Variants in ABCA8 observed in about 807,000 individuals in gnomAD.
The protein encoded by ABCA8 is ATP binding cassette subfamily A member 8, also known as ABC-type organic anion transporter ABCA8.
Under a neutral mutation model 192.3 loss-of-function variants are expected in ABCA8, and 177 were observed. The observed-to-expected ratio is 0.92, with a 90% confidence interval of 0.81 to 1.04. The LOEUF (loss-of-function observed/expected upper bound fraction) is 1.04, where lower values mean the gene tolerates loss of function less well. ABCA8 is among the 50% of genes least tolerant of loss of function. ABCA8 has a pLI of 0.00. For missense variants in ABCA8, 1,915 were observed against 1,904.8 expected (o/e 1.01, Z -0.10); for synonymous variants, 642 against 690.2 (o/e 0.93, Z 1.09).
chr17:68,927,803 C>T lies in ABCA8; in HGVS notation c.1273+113G>A. 3.7e-6 allele frequency: 3 copies of T among 814,868 alleles called. 1 individual carries two copies. The South Asian group carries it at 6.8e-5, about 18-fold the overall frequency. 50.5% of individuals were successfully genotyped at this position (814,868 alleles called of 1,614,324 possible). The stretch of plus-strand genomic sequence containing the variant: ...AGCGACGACTTTGTTCCTCTCTTTG[C>T]TGTTGATACACAAAATAGTTCTTAA... On this transcript the variant is annotated intron_variant, in intron 10 of 39. Coordinates refer to ENST00000586539, the MANE Select transcript of ABCA8 (RefSeq NM_001288985.2).
chr17:68,942,633 A>T (rs943887014), intron 2 of ABCA8, among the ~76,000 whole-genome samples: 1 of 152,028 alleles, frequency 6.6e-6, no homozygotes, highest in Non-Finnish European at 1.5e-5. Context: ...CCTGTTGCAA[A>T]AGGAGTGCAC....
Position 68,902,864 on chromosome 17 carries a change from CA to C in ABCA8, c.2612del (p.Met871ArgfsTer14). 2 of 1,611,778 alleles carry C rather than the reference CA, an allele frequency of 1.2e-6. No individual in the cohort carries two copies. The highest frequency in any genetic ancestry group is 8.5e-7 in the Non-Finnish European group (1 of 1,179,088). On this transcript the variant is annotated frameshift_variant, in exon 21 of 40. Transcript: ENST00000586539. LOFTEE classifies it high-confidence loss of function. ...CCACAAGAAGAGGGCAAAATCCAGC[CA>C]TTAGAATTAATAGCCTACACAAAAG... ...KALLALLLILMAGFCPLLVEY... is the reference protein window; with the variant it reads ...KALLALLLILXAGFCPLLVEY...
intron 1 of ABCA8, among the ~76,000 whole-genome samples, chr17:68,955,017 A>G (rs1392481870): frequency 2.0e-5 from 3 of 152,164 alleles, no homozygotes; most frequent in Non-Finnish European, 4.4e-5. Flanking sequence ...GTTTTTATTT[A>G]TCTAATATTA....
intron 23 of ABCA8, among the ~76,000 whole-genome samples, chr17:68,892,368 A>G (rs571740612): frequency 6.6e-6 from 1 of 152,194 alleles, no homozygotes; most frequent in South Asian, 2.1e-4. Context: ...GGTAGGGTCA[A>G]TACTTAGTGG....
rs2066409703 is a variant in ABCA8, at chr17:68,884,416, T to A, written c.3550-20A>T. 6.4e-7 allele frequency: 1 copy of A among 1,565,910 alleles called. No individual in the cohort carries two copies. ...GAGAAGCTGCAAAAGAAAAGACAAT[T>A]GCTAAACAGGGAGTTTTTTGTTTCC... On this transcript the variant is annotated intron_variant, in intron 27 of 39. Coordinates refer to ENST00000586539, the MANE Select transcript of ABCA8 (RefSeq NM_001288985.2).
At chr17:68,916,345 T>C (rs1213632200) in intron 17 of ABCA8, among the ~76,000 whole-genome samples, 1 of 152,116 alleles carries the variant, frequency 6.6e-6, no homozygotes, top group Non-Finnish European at 1.5e-5. Flanking sequence ...TTGTTGACTA[T>C]AGTCAACATA....
intron 21 of ABCA8, among the ~76,000 whole-genome samples, chr17:68,897,176 A>T (rs867164891): frequency 6.6e-6 from 1 of 152,202 alleles, no homozygotes; most frequent in African/African-American, 2.4e-5. Context: ...GGTGGTGCCT[A>T]ACAACTGAAT....
chr17:68,917,065 C>G (rs2067388863), intron 17 of ABCA8, among the ~76,000 whole-genome samples: 1 of 151,978 alleles, frequency 6.6e-6, no homozygotes, highest in African/African-American at 2.4e-5. Flanking sequence ...GTCAGGAGAT[C>G]GAGACCATCC....
chr17:68,872,159 T>C (rs2066074713), intron 37 of ABCA8, among the ~76,000 whole-genome samples: 1 of 151,574 alleles, frequency 6.6e-6, no homozygotes, highest in African/African-American at 2.4e-5. Context: ...TTATTCACAA[T>C]AGCAAAGACT....
intron 21 of ABCA8, among the ~76,000 whole-genome samples, chr17:68,900,399 A>G (rs968608539): frequency 2.0e-5 from 3 of 152,008 alleles, no homozygotes; most frequent in African/African-American, 7.2e-5. Flanking sequence ...AAGAAATATA[A>G]AATGTAAGGA....
chr17:68,934,051 G>A (rs1048341060), intron 5 of ABCA8, among the ~76,000 whole-genome samples: 1 of 151,760 alleles, frequency 6.6e-6, no homozygotes, highest in East Asian at 1.9e-4. Flanking sequence ...TGAACGTTAT[G>A]TATATATATA....
Position 68,924,816 on chromosome 17 carries a change from A to G in ABCA8, c.1327T>C (p.Ser443Pro). ...PLFFLKSSFW[S>P]QTQKTDHVAL... ...ACGTGATCAGTCTTTTGTGTTTGAGACCAAAATGAGGACTTCAGGAAAAAC... is the reference window on the plus strand; with the variant it reads ...ACGTGATCAGTCTTTTGTGTTTGAGGCCAAAATGAGGACTTCAGGAAAAAC... Residue 443 changes from serine to proline, a missense_variant, in exon 11 of 40, where the codon TCT becomes CCT. Ser to Pro is a moderately conservative substitution (Grantham distance 74, BLOSUM62 -1). Coordinates refer to ENST00000586539, the MANE Select transcript of ABCA8 (RefSeq NM_001288985.2). 1.2e-6 allele frequency: 2 copies of G among 1,614,130 alleles called. No individual in the cohort carries two copies. Among genetic ancestry groups the G allele is most frequent in the Non-Finnish European group, 1.7e-6 (2 of 1,179,990 alleles).
intron 19 of ABCA8, 24 bp downstream of exon 19, chr17:68,906,020 A>G: frequency 6.5e-7 from 1 of 1,548,228 alleles, no homozygotes; most frequent in South Asian, 1.2e-5. Flanking sequence ...CTTTTACATA[A>G]TAATTTTCAT....
At chr17:68,941,305 G>GAAATC (rs1272384763) in intron 3 of ABCA8, among the ~76,000 whole-genome samples, 6 of 152,140 alleles carry the variant, frequency 3.9e-5, no homozygotes, top group African/African-American at 1.2e-4. Flanking sequence ...CTCCCAATAA[G>GAAATC]AAATCACTTT....
chr17:68,914,789 A>C (rs962869185), intron 17 of ABCA8, among the ~76,000 whole-genome samples: 28 of 152,226 alleles, frequency 1.8e-4, no homozygotes, highest in Admixed American at 2.6e-4. Flanking sequence ...TAAAAAACAA[A>C]CAAACTAATA....
chr17:68,898,644 G>C (rs540313341), intron 21 of ABCA8, among the ~76,000 whole-genome samples: 3 of 152,176 alleles, frequency 2.0e-5, no homozygotes, highest in African/African-American at 7.2e-5. Context: ...TAATTTTATT[G>C]TTGAGGCGTA....
Position 68,912,230 on chromosome 17 carries a change from A to G in ABCA8, c.2139-4351T>C, listed in dbSNP as rs142826202. Among the ~76,000 whole-genome samples, 563 of 152,244 alleles carry G rather than the reference A, an allele frequency of 3.7e-3. 3 individuals carry two copies. Among genetic ancestry groups the G allele is most frequent in the African/African-American group, 0.013 (532 of 41,544 alleles). ...AAATTTAAGATAACACAGAGAAGGG[A>G]CTCAGAATCTTATCAGATAAATTTA... On this transcript the variant is annotated intron_variant, in intron 17 of 39. Coordinates refer to ENST00000586539, the MANE Select transcript of ABCA8 (RefSeq NM_001288985.2).
chr17:68,909,114 T>C (rs553206400), intron 17 of ABCA8, among the ~76,000 whole-genome samples: 2 of 152,314 alleles, frequency 1.3e-5, no homozygotes, highest in East Asian at 3.9e-4. Context: ...AATTTAAGAA[T>C]TATTCCTTGG....
intron 5 of ABCA8, among the ~76,000 whole-genome samples, chr17:68,935,570 T>TATATATATATATATA (rs1389554406): frequency 2.3e-3 from 111 of 48,402 alleles, no homozygotes; most frequent in Non-Finnish European, 3.5e-3. Flanking sequence ...ATATATATAT[T>TATATATATATATATA]ATCTTCTTTA....
Sources: gnomAD v4.1 joint callset for allele counts (sites outside exome capture counted in the v4.1 genomes callset) on GRCh38, gnomAD v4.1.1 for gene constraint, MANE v1.5 for transcripts, NCBI Gene and HGNC (gene_info 2026-07-23, HGNC 2026-07-21) for gene names.